Variants in NOS1AP observed in about 807,000 individuals in gnomAD.
NOS1AP encodes nitric oxide synthase 1 adaptor protein.
Under a neutral mutation model 56.2 loss-of-function variants are expected in NOS1AP, and 21 were observed. The observed-to-expected ratio is 0.37, with a 90% CI of 0.26 to 0.54. NOS1AP has a LOEUF of 0.54. NOS1AP is among the 20% of genes least tolerant of loss of function. The pLI, the probability that NOS1AP is intolerant of heterozygous loss-of-function variation, is 0.84. For missense variants in NOS1AP, 522 were observed against 657.8 expected, an observed-to-expected ratio of 0.79 and a Z score of 2.26; for synonymous variants, 270 against 274.6, an observed-to-expected ratio of 0.98 and a Z score of 0.17.
chr1:162,323,114 G>A (rs114353556), intron 4 of NOS1AP, among the ~76,000 whole-genome samples: 103 of 152,324 alleles, frequency 6.8e-4, no homozygotes, highest in African/African-American at 2.2e-3. Context: ...ATTAGATTAG[G>A]GTGGACCCTA....
Position 162,329,683 on chromosome 1 carries a change from G to T in NOS1AP, c.345-3334G>T, listed in dbSNP as rs183625427. Among the ~76,000 whole-genome samples, 805 of 152,152 alleles carry T rather than the reference G, an allele frequency of 5.3e-3. 7 individuals carry two copies. Among genetic ancestry groups the T allele is most frequent in the South Asian group, 0.024 (118 of 4,820 alleles). On this transcript the variant is annotated intron_variant, in intron 4 of 9. Coordinates refer to ENST00000361897, the MANE Select transcript of NOS1AP (RefSeq NM_014697.3). ...ACAGTGCTTAAGAAAACCAAGTAAT[G>T]GAGAAATAAGGGTTCTTGGAATGTA... is the stretch of plus-strand genomic sequence containing the variant.
At chr1:162,214,858 TTC>T (rs1182722394) in intron 2 of NOS1AP, among the ~76,000 whole-genome samples, 1 of 152,194 alleles carries the variant, frequency 6.6e-6, no homozygotes, top group Admixed American at 6.5e-5. Flanking sequence ...TTAGTCATAT[TTC>T]TCTCTTTTTT....
At chr1:162,163,916 C>G (rs930231649) in intron 2 of NOS1AP, among the ~76,000 whole-genome samples, 1 of 152,160 alleles carries the variant, frequency 6.6e-6, no homozygotes, top group Non-Finnish European at 1.5e-5. Flanking sequence ...GAGTTTGGTT[C>G]TGCTCTGGAA....
rs542470617 is a variant in NOS1AP, at chr1:162,177,466, G to C, written c.177+22990G>C. ...TTTTGCCAGGTAGGTCAGCTGCGGA[G>C]TCTTTCAGCCACTGGCATGAAGGGA... On this transcript the variant is annotated intron_variant, in intron 2 of 9. Transcript: ENST00000361897. Among the ~76,000 whole-genome samples, 58 of 152,248 alleles carry C rather than the reference G, an allele frequency of 3.8e-4. 2 individuals are homozygous for C. The South Asian group carries it at 0.012, about 31-fold the overall frequency.
intron 6 of NOS1AP, 65 bp downstream of exon 6, chr1:162,344,041 C>A: frequency 6.4e-7 from 1 of 1,568,264 alleles, no homozygotes; most frequent in South Asian, 1.1e-5. Context: ...TCTGGTGGAT[C>A]ACTGCCCTGA....
chr1:162,258,177 T>G (rs148350117), intron 2 of NOS1AP, among the ~76,000 whole-genome samples: 1 of 152,280 alleles, frequency 6.6e-6, no homozygotes, highest in East Asian at 1.9e-4. Flanking sequence ...CTAGTCTGCC[T>G]GGCAAACCCT....
At chr1:162,096,376 T>C (rs1343999036) in intron 1 of NOS1AP, among the ~76,000 whole-genome samples, 1 of 152,236 alleles carries the variant, frequency 6.6e-6, no homozygotes, top group Admixed American at 6.5e-5. Context: ...ACTTTACCAG[T>C]TGAACCACCA....
chr1:162,205,329 G>C (rs534400284), intron 2 of NOS1AP, among the ~76,000 whole-genome samples: 2 of 152,330 alleles, frequency 1.3e-5, no homozygotes, highest in East Asian at 3.9e-4. Context: ...TCTTGCATTT[G>C]TTTTAGATGG....
chr1:162,235,967 CA>C (rs1427528337), intron 2 of NOS1AP, among the ~76,000 whole-genome samples: 2 of 152,136 alleles, frequency 1.3e-5, no homozygotes, highest in Non-Finnish European at 2.9e-5. Context: ...AAACTGAGGC[CA>C]GGGGGATCCT....
chr1:162,339,413 A>AAAT (rs1657037729), intron 5 of NOS1AP, among the ~76,000 whole-genome samples: 9 of 152,212 alleles, frequency 5.9e-5, no homozygotes, highest in Admixed American at 3.9e-4. Flanking sequence ...AAAAAAAAAA[A>AAAT]AATCTAGTAA....
intron 2 of NOS1AP, among the ~76,000 whole-genome samples, chr1:162,218,935 C>T (rs1276254684): frequency 6.6e-6 from 1 of 152,100 alleles, no homozygotes; most frequent in Non-Finnish European, 1.5e-5. Context: ...GATAGCTTGG[C>T]CTAAAACAGT....
At chr1:162,091,003 A>G (rs1294118364) in intron 1 of NOS1AP, among the ~76,000 whole-genome samples, 2 of 152,130 alleles carry the variant, frequency 1.3e-5, no homozygotes, top group African/African-American at 4.8e-5. Context: ...GAATTTTAAA[A>G]AGGAGGGTTG....
At chr1:162,221,814 A>T (rs563626257) in intron 2 of NOS1AP, among the ~76,000 whole-genome samples, 34 of 152,342 alleles carry the variant, frequency 2.2e-4, no homozygotes, top group Non-Finnish European at 4.0e-4. Context: ...CAAAAATGGG[A>T]TCATACTATA....
chr1:162,165,140 G>A (rs1312401294), intron 2 of NOS1AP, among the ~76,000 whole-genome samples: 1 of 152,190 alleles, frequency 6.6e-6, no homozygotes, highest in Non-Finnish European at 1.5e-5. Flanking sequence ...TGACCAACAT[G>A]GAGAAACCCT....
intron 2 of NOS1AP, among the ~76,000 whole-genome samples, chr1:162,158,437 A>C (rs370731228): frequency 6.6e-6 from 1 of 152,326 alleles, no homozygotes; most frequent in South Asian, 2.1e-4. Context: ...TGTTGTGAAT[A>C]GTGCTGCAAT....
At chr1:162,229,034 A>G (rs920327061) in intron 2 of NOS1AP, among the ~76,000 whole-genome samples, 2 of 152,346 alleles carry the variant, frequency 1.3e-5, no homozygotes, top group Non-Finnish European at 2.9e-5. Flanking sequence ...GAAATTCTGG[A>G]ACTAAAATTT....
rs78580889 is a variant in NOS1AP, at chr1:162,338,073, T to G, written c.453+4948T>G. On this transcript the variant is annotated intron_variant, in intron 5 of 9. Transcript: ENST00000361897. Reference sequence around the variant, plus strand: ...AAAGAAACATGACATTCAGTTCTGTTTTTGTTGAGATTCTGTGGCAGTTAA... The same window carrying G: ...AAAGAAACATGACATTCAGTTCTGTGTTTGTTGAGATTCTGTGGCAGTTAA... Among the ~76,000 whole-genome samples, 341 of 152,332 alleles carry G rather than the reference T, an allele frequency of 2.2e-3. 6 individuals carry two copies. The East Asian group carries it at 0.056, about 25-fold the overall frequency.
intron 1 of NOS1AP, among the ~76,000 whole-genome samples, chr1:162,120,086 C>CACATGT (rs66740168): frequency 0.025 from 52 of 2,120 alleles, no homozygotes; most frequent in Admixed American, 0.13. Context: ...ATGGTATATA[C>CACATGT]ATATGTATAT....
Position 162,237,299 on chromosome 1 carries a change from C to T in NOS1AP, c.178-50045C>T, listed in dbSNP as rs574354985. On this transcript the variant is annotated intron_variant, in intron 2 of 9. Transcript: ENST00000361897. ...TAATGTTGACTTCAATCCAGTAAAGCCCTTGTTAAGCCATTTAACTGTAAA... is the reference window on the plus strand; with the variant it reads ...TAATGTTGACTTCAATCCAGTAAAGTCCTTGTTAAGCCATTTAACTGTAAA... Among the ~76,000 whole-genome samples, 3 of 152,304 alleles carry T rather than the reference C, an allele frequency of 2.0e-5. No individual in the cohort carries two copies. In the South Asian group the frequency reaches 6.2e-4, roughly 32 times the overall value.
Sources: gnomAD v4.1 joint callset for allele counts (sites outside exome capture counted in the v4.1 genomes callset) on GRCh38, gnomAD v4.1.1 for gene constraint, MANE v1.5 for transcripts, NCBI Gene and HGNC (gene_info 2026-07-23, HGNC 2026-07-21) for gene names.